EPB41L5: variants seen among roughly 807,000 people sequenced by gnomAD.
EPB41L5 encodes band 4.1-like protein 5.
Under a neutral mutation model 106.6 loss-of-function variants are expected in EPB41L5, and 55 were observed. The ratio of observed to expected loss-of-function variants is 0.52; its 90% CI spans 0.42 to 0.65. The LOEUF (loss-of-function observed/expected upper bound fraction) is 0.65. EPB41L5 is among the 30% of genes least tolerant of loss of function. The pLI is 0.00. For missense variants in EPB41L5, 871 were observed against 882.1 expected (o/e 0.99, Z 0.16); for synonymous variants, 297 against 306.7 (o/e 0.97, Z 0.33).
At chr2:120,037,751 T>C (rs1303993255) in intron 2 of EPB41L5, among the ~76,000 whole-genome samples, 5 of 151,936 alleles carry the variant, frequency 3.3e-5, no homozygotes, top group Non-Finnish European at 7.4e-5. Context: ...GTAAATATGG[T>C]AAAATGATTT....
At chr2:120,098,510 A>G (rs1245638816) in intron 14 of EPB41L5, among the ~76,000 whole-genome samples, 1 of 152,046 alleles carries the variant, frequency 6.6e-6, no homozygotes, top group Non-Finnish European at 1.5e-5. Context: ...ACCATGCCTC[A>G]CCAATAGTAT....
At chr2:120,102,599 G>T (rs1317769967) in intron 16 of EPB41L5, among the ~76,000 whole-genome samples, 2 of 152,110 alleles carry the variant, frequency 1.3e-5, no homozygotes, top group African/African-American at 4.8e-5. Flanking sequence ...GTGATAAATG[G>T]TTAAAATTTG....
intron 24 of EPB41L5, among the ~76,000 whole-genome samples, chr2:120,172,725 CA>C (rs2105577818): frequency 6.6e-6 from 1 of 152,204 alleles, no homozygotes; most frequent in African/African-American, 2.4e-5. Flanking sequence ...TAGAGAGGTG[CA>C]GGGATTTACC....
intron 16 of EPB41L5, among the ~76,000 whole-genome samples, chr2:120,124,376 T>G (rs1223930106): frequency 6.6e-6 from 1 of 152,160 alleles, no homozygotes; most frequent in African/African-American, 2.4e-5. Flanking sequence ...AACTTTTTAT[T>G]TTGGAAAACT....
chr2:120,157,709 C>T (rs147307717), intron 20 of EPB41L5, among the ~76,000 whole-genome samples: 32 of 146,822 alleles, frequency 2.2e-4, no homozygotes, highest in African/African-American at 8.1e-4. Flanking sequence ...GCGGAGGTTG[C>T]AGTGAGCCGA....
intron 19 of EPB41L5, 52 bp from the exon 20 acceptor site, chr2:120,146,171 TTA>T: frequency 9.2e-7 from 1 of 1,083,158 alleles, no homozygotes; most frequent in Non-Finnish European, 1.4e-6. Context: ...AAATTTCTTG[TTA>T]CTTTAGTATC....
intron 20 of EPB41L5, among the ~76,000 whole-genome samples, chr2:120,157,883 C>G (rs140376736): frequency 6.6e-6 from 1 of 151,552 alleles, no homozygotes; most frequent in Non-Finnish European, 1.5e-5. Context: ...GAGAGAGGAT[C>G]TAAATAAACA....
At chr2:120,131,110 T>A (rs1414452279) in intron 17 of EPB41L5, among the ~76,000 whole-genome samples, 1 of 152,224 alleles carries the variant, frequency 6.6e-6, no homozygotes, top group Non-Finnish European at 1.5e-5. Flanking sequence ...ATGCTTGTCT[T>A]GCGTCACACC....
At chr2:120,053,142 A>C (rs1680401923) in intron 3 of EPB41L5, among the ~76,000 whole-genome samples, 1 of 152,126 alleles carries the variant, frequency 6.6e-6, no homozygotes, top group Admixed American at 6.5e-5. Flanking sequence ...TGGAAAAAGG[A>C]AAGGATTGTG....
chr2:120,101,764 G>A (rs1180688942), intron 16 of EPB41L5: 1 of 152,162 alleles, frequency 6.6e-6, no homozygotes, highest in African/African-American at 2.4e-5. Context: ...ACTGCAGGGT[G>A]CCTTGCTCTT....
At chr2:120,128,039 G>T (rs572893201) in intron 17 of EPB41L5, 188 bp downstream of exon 17, 73 of 434,826 alleles carry the variant, frequency 1.7e-4, no homozygotes, top group African/African-American at 1.3e-3. Flanking sequence ...CATAATTGAG[G>T]TCATTAAACT....
At chr2:120,150,679 C>T (rs571373447) in intron 20 of EPB41L5, among the ~76,000 whole-genome samples, 2 of 151,944 alleles carry the variant, frequency 1.3e-5, no homozygotes, top group African/African-American at 4.8e-5. Flanking sequence ...TTTCTAATCC[C>T]ATGACAGATT....
At chr2:120,027,884 G>T (rs1678441354) in intron 2 of EPB41L5, among the ~76,000 whole-genome samples, 2 of 151,758 alleles carry the variant, frequency 1.3e-5, no homozygotes, top group Non-Finnish European at 2.9e-5. Context: ...AATTTTTTTG[G>T]AGATGGAGTT....
At chr2:120,064,819 T>C (rs756483146) in intron 3 of EPB41L5, among the ~76,000 whole-genome samples, 8 of 152,180 alleles carry the variant, frequency 5.3e-5, no homozygotes, top group Non-Finnish European at 1.2e-4. Flanking sequence ...ACACTATCAG[T>C]GCCTGTCTCT....
At chr2:120,108,790 C>G (rs1221171085) in intron 16 of EPB41L5, among the ~76,000 whole-genome samples, 1 of 152,086 alleles carries the variant, frequency 6.6e-6, no homozygotes, top group Non-Finnish European at 1.5e-5. Context: ...TTTAATAACT[C>G]GCATTAAATC....
chr2:120,086,378 T>C (rs1376972423), intron 10 of EPB41L5, among the ~76,000 whole-genome samples: 1 of 152,092 alleles, frequency 6.6e-6, no homozygotes, highest in South Asian at 2.1e-4. Context: ...TGGTTTGGAA[T>C]TTACAAGTAG....
chr2:120,150,135 G>A (rs975710117), intron 20 of EPB41L5, among the ~76,000 whole-genome samples: 28 of 151,864 alleles, frequency 1.8e-4, no homozygotes, highest in Non-Finnish European at 4.4e-5. Flanking sequence ...GAGCTCAAGC[G>A]AGCCTCCCAT....
At chr2:120,024,816 G>C (rs553063723) in intron 2 of EPB41L5, among the ~76,000 whole-genome samples, 4 of 152,262 alleles carry the variant, frequency 2.6e-5, no homozygotes, top group Non-Finnish European at 5.9e-5. Context: ...TTATTGATTT[G>C]TGCATGTTGA....
intron 16 of EPB41L5, among the ~76,000 whole-genome samples, chr2:120,113,651 A>G (rs1012066246): frequency 1.3e-5 from 2 of 152,226 alleles, no homozygotes; most frequent in East Asian, 1.9e-4. Context: ...CCTCTTTCCT[A>G]TTAGCAGTTA....
Sources: gnomAD v4.1 joint callset for allele counts (sites outside exome capture counted in the v4.1 genomes callset) on GRCh38, gnomAD v4.1.1 for gene constraint, MANE v1.5 for transcripts, NCBI Gene and HGNC (gene_info 2026-07-23, HGNC 2026-07-21) for gene names.